HPSE2: variants seen among roughly 807,000 people sequenced by gnomAD.
HPSE2 encodes the protein inactive heparanase-2.
In HPSE2, 38 loss-of-function variants were observed where a neutral mutation model predicts 60.5. That is an observed-to-expected ratio of 0.63 (90% CI 0.48 to 0.82). The LOEUF (loss-of-function observed/expected upper bound fraction) is 0.82, where lower values mean the gene tolerates loss of function less well. Ranked by LOEUF, HPSE2 falls within the 40% of genes least tolerant of loss-of-function variation. The probability of loss-of-function intolerance (pLI) is 0.00; values close to 1 mark genes in which losing one functional copy is unlikely to be tolerated. For synonymous variants in HPSE2, 295 were observed against 293.2 expected (o/e 1.01, Z -0.06); for missense variants, 713 against 740.4 (o/e 0.96, Z 0.43).
chr10:98,687,977 C>T (rs532968114), intron 6 of HPSE2, among the ~76,000 whole-genome samples: 2 of 152,184 alleles, frequency 1.3e-5, no homozygotes, highest in African/African-American at 4.8e-5. Context: ...TTCAGTCTAT[C>T]ATTTTGCTAT....
At chr10:99,129,301 C>T (rs1400581748) in intron 3 of HPSE2, among the ~76,000 whole-genome samples, 1 of 152,128 alleles carries the variant, frequency 6.6e-6, no homozygotes, top group Non-Finnish European at 1.5e-5. Flanking sequence ...CAGATATTTA[C>T]AGAACATTCT....
chr10:99,034,737 C>T (rs1479194938), intron 3 of HPSE2, among the ~76,000 whole-genome samples: 2 of 152,116 alleles, frequency 1.3e-5, no homozygotes, highest in African/African-American at 2.4e-5. Flanking sequence ...AGTGTATTTA[C>T]ACAAATCTAG....
chr10:98,912,913 G>A (rs1243693318), intron 3 of HPSE2, among the ~76,000 whole-genome samples: 1 of 151,984 alleles, frequency 6.6e-6, no homozygotes, highest in Non-Finnish European at 1.5e-5. Flanking sequence ...TAATTTAATT[G>A]TACACTTAAA....
chr10:98,742,772 CAT>C (rs1303144674), intron 4 of HPSE2, among the ~76,000 whole-genome samples: 1 of 107,456 alleles, frequency 9.3e-6, no homozygotes, highest in East Asian at 2.7e-4. Flanking sequence ...TTATGTTACA[CAT>C]ACACACACAC....
At chr10:98,702,062 C>T (rs980213014) in intron 5 of HPSE2, among the ~76,000 whole-genome samples, 1 of 152,044 alleles carries the variant, frequency 6.6e-6, no homozygotes, top group African/African-American at 2.4e-5. Context: ...TCAGGAGGCC[C>T]ATCTCATGTG....
chr10:98,901,692 CAG>C (rs1818011866), intron 3 of HPSE2, among the ~76,000 whole-genome samples: 1 of 152,160 alleles, frequency 6.6e-6, no homozygotes, highest in Admixed American at 6.5e-5. Flanking sequence ...GACAGTATAA[CAG>C]AGAGAGTTTA....
intron 2 of HPSE2, among the ~76,000 whole-genome samples, chr10:99,200,200 T>C (rs1482681059): frequency 2.0e-5 from 3 of 152,094 alleles, no homozygotes; most frequent in Non-Finnish European, 2.9e-5. Context: ...TTTACCACAA[T>C]TAAAAAAATC....
chr10:99,072,643 C>T (rs1217521387), intron 3 of HPSE2, among the ~76,000 whole-genome samples: 1 of 151,922 alleles, frequency 6.6e-6, no homozygotes, highest in Non-Finnish European at 1.5e-5. Context: ...ATAAAAAAGT[C>T]AGCCGGGCAT....
chr10:99,014,773 T>C lies in HPSE2; in HGVS notation c.610+129465A>G, dbSNP rs550341297. On this transcript the variant is annotated intron_variant, in intron 3 of 11. Coordinates refer to ENST00000370552, the MANE Select transcript of HPSE2 (RefSeq NM_021828.5). ...CTTTTAAACATGGGCAAGGACTTCA[T>C]GTCTAAAACACCAAAAGCAATGGCA... Among the ~76,000 whole-genome samples the C allele has an allele frequency of 2.6e-5, 4 of 152,270 alleles. No individual in the cohort carries two copies. In the South Asian group the frequency reaches 8.3e-4, roughly 32 times the overall value.
chr10:98,876,796 A>G (rs2134859625), intron 3 of HPSE2, among the ~76,000 whole-genome samples: 1 of 152,018 alleles, frequency 6.6e-6, no homozygotes, highest in South Asian at 2.1e-4. Flanking sequence ...TGTTGCTACA[A>G]TCTTAGCTGA....
At chr10:98,888,655 C>T (rs951230165) in intron 3 of HPSE2, among the ~76,000 whole-genome samples, 3 of 152,166 alleles carry the variant, frequency 2.0e-5, no homozygotes, top group African/African-American at 7.2e-5. Context: ...ATTACCGTCT[C>T]CTTTCTCCCC....
Position 99,161,062 on chromosome 10 carries a change from A to G in HPSE2, c.449-16663T>C, listed in dbSNP as rs116428020. ...ATAAGGAGTCCCCATCTGTACAAAAAATTTAAAAATTAGCCAGACGTGGTG... is the reference window on the plus strand; with the variant it reads ...ATAAGGAGTCCCCATCTGTACAAAAGATTTAAAAATTAGCCAGACGTGGTG... On this transcript the variant is annotated intron_variant, in intron 2 of 11. Coordinates refer to ENST00000370552, the MANE Select transcript of HPSE2 (RefSeq NM_021828.5). Among the ~76,000 whole-genome samples, 515 of 151,972 alleles carry G rather than the reference A, an allele frequency of 3.4e-3. 3 individuals carry two copies. Among genetic ancestry groups the G allele is most frequent in the African/African-American group, 0.012 (493 of 41,440 alleles).
intron 6 of HPSE2, among the ~76,000 whole-genome samples, chr10:98,679,238 T>G (rs534371810): frequency 4.6e-4 from 70 of 152,178 alleles, no homozygotes; most frequent in Non-Finnish European, 7.2e-4. Context: ...CCATCCTCAC[T>G]CTACATCAGC....
intron 3 of HPSE2, among the ~76,000 whole-genome samples, chr10:99,057,345 A>G (rs1297338875): frequency 6.6e-6 from 1 of 152,200 alleles, no homozygotes; most frequent in East Asian, 1.9e-4. Context: ...GAACCAAACT[A>G]CAGACCATAA....
At chr10:99,167,041 T>G (rs1186249747) in intron 2 of HPSE2, among the ~76,000 whole-genome samples, 1 of 151,940 alleles carries the variant, frequency 6.6e-6, no homozygotes, top group Non-Finnish European at 1.5e-5. Flanking sequence ...GACAGAGTCT[T>G]GCTCTGTTGC....
chr10:98,846,592 A>G (rs1259986796), intron 3 of HPSE2, among the ~76,000 whole-genome samples: 1 of 152,230 alleles, frequency 6.6e-6, no homozygotes, highest in African/African-American at 2.4e-5. Flanking sequence ...ATCATTAATG[A>G]AAAAGCTTTC....
intron 4 of HPSE2, among the ~76,000 whole-genome samples, chr10:98,735,038 T>C (rs1949317700): frequency 6.6e-6 from 1 of 152,130 alleles, no homozygotes; most frequent in African/African-American, 2.4e-5. Flanking sequence ...TTGGGTTTAC[T>C]CTTCGTGTTA....
chr10:98,464,668 G>T (rs571240176), intron 11 of HPSE2, among the ~76,000 whole-genome samples: 216 of 152,310 alleles, frequency 1.4e-3, no homozygotes, highest in Non-Finnish European at 2.1e-3. Context: ...CACAGAGTAG[G>T]GGCTAAATAT....
chr10:98,872,885 T>G (rs1952771206), intron 3 of HPSE2, among the ~76,000 whole-genome samples: 1 of 152,164 alleles, frequency 6.6e-6, no homozygotes, highest in South Asian at 2.1e-4. Flanking sequence ...TGAATAAACT[T>G]ATGAATAATT....
Sources: gnomAD v4.1 joint callset for allele counts (sites outside exome capture counted in the v4.1 genomes callset) on GRCh38, gnomAD v4.1.1 for gene constraint, MANE v1.5 for transcripts, NCBI Gene and HGNC (gene_info 2026-07-23, HGNC 2026-07-21) for gene names.